The following ZFHX3 variants were observed in gnomAD, a reference collection of about 807,000 sequenced individuals.
The protein encoded by ZFHX3 is zinc finger homeobox protein 3.
A neutral mutation model predicts 279.1 loss-of-function variants in ZFHX3; 42 were observed. That is an observed-to-expected ratio of 0.15 (90% CI 0.12 to 0.19). The LOEUF (loss-of-function observed/expected upper bound fraction) is 0.19, where lower values mean the gene tolerates loss of function less well. Ranked by LOEUF, ZFHX3 falls within the 10% of genes least tolerant of loss-of-function variation. ZFHX3 has a pLI of 1.00. For synonymous variants in ZFHX3, 2,293 were observed against 1,957.8 expected (o/e 1.17, Z -4.52); for missense variants, 4,981 against 4,754.0 (o/e 1.05, Z -1.40).
rs142447435 is a variant in ZFHX3 at position 73,783,297 on chromosome 16, G to A, written c.-1607-103057C>T. Among the ~76,000 whole-genome samples the A allele has an allele frequency of 2.3e-3, 355 of 152,334 alleles. 7 individuals are homozygous for A. The highest frequency in any genetic ancestry group is 8.0e-3 in the African/African-American group (332 of 41,562). Reference sequence around the variant, plus strand: ...CTCAGAACTCCGTATGGGATCTGCTGAGGCCTCTGCTGCAACTACGCCACT... The same window carrying A: ...CTCAGAACTCCGTATGGGATCTGCTAAGGCCTCTGCTGCAACTACGCCACT... On this transcript the variant is annotated intron_variant, in intron 1 of 17. Transcript: ENST00000641206.
intron 3 of ZFHX3, among the ~76,000 whole-genome samples, chr16:73,355,698 A>C (rs1042858596): frequency 6.6e-6 from 1 of 152,320 alleles, no homozygotes; most frequent in African/African-American, 2.4e-5. Context: ...ATTGAATTCA[A>C]CTGCTCCCTC....
At chr16:73,388,999 G>A (rs138696958) in intron 3 of ZFHX3, 1 of 152,324 alleles carries the variant, frequency 6.6e-6, no homozygotes, top group East Asian at 1.9e-4. Flanking sequence ...CCAGTGCTCT[G>A]TTTCTTTCCC....
intron 3 of ZFHX3, among the ~76,000 whole-genome samples, chr16:72,920,279 C>T (rs2039550568): frequency 6.6e-6 from 1 of 152,210 alleles, no homozygotes; most frequent in Non-Finnish European, 1.5e-5. Context: ...AATTAGCCCA[C>T]TTTACACTGT....
intron 1 of ZFHX3, among the ~76,000 whole-genome samples, chr16:73,880,177 T>G (rs375973879): frequency 6.6e-6 from 1 of 152,076 alleles, no homozygotes; most frequent in African/African-American, 2.4e-5. Flanking sequence ...GGTTGGCTCA[T>G]GGAAGGTCGC....
chr16:73,399,042 T>TC, intron 3 of ZFHX3, among the ~76,000 whole-genome samples: 1 of 151,314 alleles, frequency 6.6e-6, no homozygotes, highest in East Asian at 1.9e-4. Flanking sequence ...AATTTTTTTT[T>TC]TTTTTTTGTA....
rs542220545 is a variant in ZFHX3 at position 72,833,358 on chromosome 16, C to A, written c.3449-3499G>T. Among the ~76,000 whole-genome samples the A allele has an allele frequency of 2.1e-4, 32 of 152,318 alleles. No homozygotes were observed. The South Asian group carries it at 4.1e-3, about 20-fold the overall frequency. On this transcript the variant is annotated intron_variant, in intron 4 of 9. Coordinates refer to ENST00000268489, the MANE Select transcript of ZFHX3 (RefSeq NM_006885.4). ...CACAGATCATGGATTGCATTCCCCC[C>A]TCTTCTGCGAAGTCACTGGTAACTG...
At chr16:73,786,485 G>C (rs897163237) in intron 1 of ZFHX3, among the ~76,000 whole-genome samples, 2 of 152,152 alleles carry the variant, frequency 1.3e-5, no homozygotes, top group Admixed American at 6.5e-5. Flanking sequence ...CGGGATCTCA[G>C]CTGACAGTAT....
intron 4 of ZFHX3, among the ~76,000 whole-genome samples, chr16:73,266,074 A>G (rs1394709407): frequency 1.3e-5 from 2 of 152,212 alleles, no homozygotes; most frequent in Non-Finnish European, 2.9e-5. Context: ...AAAGGGACTG[A>G]AGTTTTTCAG....
chr16:72,787,053 T>C lies in ZFHX3; in HGVS notation c.*111A>G. 9.4e-7 allele frequency: 1 copy of C among 1,069,468 alleles called. No homozygotes were observed. The highest frequency in any genetic ancestry group is 1.2e-6 in the Non-Finnish European group (1 of 841,764). The allele number at this position is 1,069,468 out of a possible 1,614,324, so 66.2% of individuals were successfully genotyped here. On this transcript the variant is annotated 3_prime_UTR_variant, in exon 10 of 10. Transcript: ENST00000268489. ...TTCTTTTTTTTCTTTTTTTTTTTTT[T>C]TTTGTTTTTTGGTTAGAAGCTTTGG... is the stretch of plus-strand genomic sequence containing the variant.
intron 1 of ZFHX3, among the ~76,000 whole-genome samples, chr16:72,962,748 C>T (rs1176870889): frequency 1.3e-5 from 2 of 152,152 alleles, no homozygotes; most frequent in Non-Finnish European, 2.9e-5. Context: ...CTCTCTGCTT[C>T]ACTCCATCTT....
intron 2 of ZFHX3, among the ~76,000 whole-genome samples, chr16:73,532,834 TAGTG>T (rs1567511625): frequency 2.0e-5 from 3 of 152,236 alleles, no homozygotes; most frequent in East Asian, 1.9e-4. Flanking sequence ...GTTCCCATAA[TAGTG>T]AGTGAGTTCT....
intron 4 of ZFHX3, among the ~76,000 whole-genome samples, chr16:72,834,488 C>A (rs117133884): frequency 2.0e-5 from 3 of 152,330 alleles, no homozygotes; most frequent in Non-Finnish European, 4.4e-5. Flanking sequence ...AATTTCCCTT[C>A]AATCAAAGTG....
intron 3 of ZFHX3, among the ~76,000 whole-genome samples, chr16:73,341,512 G>C (rs1383804315): frequency 6.6e-6 from 1 of 152,092 alleles, no homozygotes; most frequent in Non-Finnish European, 1.5e-5. Flanking sequence ...ACAGTTTGAT[G>C]GTTCCTCAAA....
intron 3 of ZFHX3, among the ~76,000 whole-genome samples, chr16:72,947,310 C>T (rs1960732003): frequency 6.6e-6 from 1 of 152,230 alleles, no homozygotes; most frequent in South Asian, 2.1e-4. Context: ...AAAACGACAC[C>T]ATTCCAGGCA....
intron 1 of ZFHX3, among the ~76,000 whole-genome samples, chr16:73,712,899 C>G (rs543735572): frequency 1.3e-5 from 2 of 152,212 alleles, no homozygotes; most frequent in African/African-American, 4.8e-5. Context: ...AGGCCATTTG[C>G]GCTAGCTTGA....
chr16:73,660,470 A>G (rs1419307258), intron 2 of ZFHX3, among the ~76,000 whole-genome samples: 1 of 152,238 alleles, frequency 6.6e-6, no homozygotes. Context: ...TCTAATAAAT[A>G]TCAATCCTTC....
intron 2 of ZFHX3, among the ~76,000 whole-genome samples, chr16:73,587,885 AG>A (rs2051944111): frequency 6.6e-6 from 1 of 152,252 alleles, no homozygotes; most frequent in African/African-American, 2.4e-5. Context: ...CTGTACAAAC[AG>A]CAATTTCATA....
rs541742200 is a variant in ZFHX3 at position 73,416,781 on chromosome 16, G to C, written c.-1291+39222C>G. 3.9e-3 allele frequency among the ~76,000 whole-genome samples: 579 copies of C among 147,196 alleles called. 17 individuals carry two copies. The highest frequency in any genetic ancestry group is 0.013 in the African/African-American group (544 of 41,296). On this transcript the variant is annotated intron_variant, in intron 3 of 17. Coordinates refer to the ZFHX3 transcript ENST00000641206. ...CCCAGCTACCAGGGAGGCTGAAGCA[G>C]GAGAATGGCGTGAACTCGGGAGGCG...
chr16:73,638,941 T>C (rs2052550823), intron 2 of ZFHX3, among the ~76,000 whole-genome samples: 1 of 152,178 alleles, frequency 6.6e-6, no homozygotes, highest in African/African-American at 2.4e-5. Context: ...TGAGGCTTCA[T>C]TGAGACCTAC....
Sources: gnomAD v4.1 joint callset for allele counts (sites outside exome capture counted in the v4.1 genomes callset) on GRCh38, gnomAD v4.1.1 for gene constraint, MANE v1.5 for transcripts, NCBI Gene and HGNC (gene_info 2026-07-23, HGNC 2026-07-21) for gene names.